The following LACTBL1 variants were observed in gnomAD, a reference collection of about 807,000 sequenced individuals.
The protein encoded by LACTBL1 is beta-lactamase-like protein 1.
A neutral mutation model predicts 39.6 loss-of-function variants in LACTBL1; 29 were observed. The ratio of observed to expected loss-of-function variants is 0.73; its 90% CI spans 0.55 to 1.00. The LOEUF is 1.00. LACTBL1 is among the 50% of genes least tolerant of loss of function. The pLI is 0.00. For synonymous variants in LACTBL1, 361 were observed against 360.7 expected (o/e 1.00, Z -0.01); for missense variants, 711 against 748.5 (o/e 0.95, Z 0.59).
chr1:22,967,864 AAAGCAGTTCCTGG>A (rs1640899008), upstream of LACTBL1, among the ~76,000 whole-genome samples: 1 of 152,184 alleles, frequency 6.6e-6, no homozygotes, highest in Admixed American at 6.5e-5. Context: ...CCCAGTACCC[AAAGCAGTTCCTGG>A]AACATAGCAG....
the LACTBL1 span, among the ~76,000 whole-genome samples, chr1:22,971,182 G>A: frequency 2.0e-5 from 3 of 152,150 alleles, no homozygotes; most frequent in Non-Finnish European, 4.4e-5. Flanking sequence ...GGCAGTGAAT[G>A]GCAGAGCTGA....
intron 4 of LACTBL1, 84 bp from the exon 7 acceptor site, chr1:22,955,510 C>CACAGCA: frequency 1.2e-6 from 1 of 825,078 alleles, no homozygotes; most frequent in Non-Finnish European, 1.9e-6. Context: ...CCCCACCTTC[C>CACAGCA]GTGAGTTGAG....
chr1:22,954,009 C>A, exon 6 of LACTBL1: 1 of 1,537,914 alleles, frequency 6.5e-7, no homozygotes, highest in Non-Finnish European at 8.8e-7. Flanking sequence ...AGAAGGCCAG[C>A]GTGCTGTAAT....
chr1:22,959,481 A>C (rs188765023), intron 3 of LACTBL1, among the ~76,000 whole-genome samples: 1 of 152,268 alleles, frequency 6.6e-6, no homozygotes, highest in South Asian at 2.1e-4. Context: ...TTCACTCTGC[A>C]TCATGAACTT....
chr1:22,960,197 C>T, intron 2 of LACTBL1, 98 bp from the exon 5 acceptor site: 1 of 1,400,622 alleles, frequency 7.1e-7, no homozygotes, highest in Admixed American at 2.0e-5. Context: ...ACCCTGCATG[C>T]AGCACCCCAG....
At chr1:22,958,997 A>C in intron 3 of LACTBL1, 77 bp from the exon 6 acceptor site, 1 of 906,296 alleles carries the variant, frequency 1.1e-6, no homozygotes. Flanking sequence ...CCCATCCTGC[A>C]ACTTTTTAGT....
intron 1 of LACTBL1, among the ~76,000 whole-genome samples, chr1:22,963,507 G>C (rs1032934580): frequency 1.3e-5 from 2 of 152,308 alleles, no homozygotes; most frequent in Admixed American, 1.3e-4. Flanking sequence ...AGTGGACTTA[G>C]ACCATTCTGG....
intron 2 of LACTBL1, among the ~76,000 whole-genome samples, chr1:22,962,423 G>T (rs309511): frequency 6.2e-4 from 94 of 152,230 alleles, no homozygotes; most frequent in African/African-American, 2.1e-3. Flanking sequence ...TGTCTCCCAT[G>T]GTGGGTGACC....
At chr1:22,958,248 G>A (rs1337936733) in intron 4 of LACTBL1, among the ~76,000 whole-genome samples, 1 of 151,944 alleles carries the variant, frequency 6.6e-6, no homozygotes, top group Non-Finnish European at 1.5e-5. Context: ...ACCATGCCTG[G>A]GCTATTTTTT....
At chr1:22,963,528 C>T (rs1217058864) in intron 1 of LACTBL1, among the ~76,000 whole-genome samples, 7 of 152,212 alleles carry the variant, frequency 4.6e-5, no homozygotes, top group Non-Finnish European at 1.5e-5. Flanking sequence ...CTGCGTGGGG[C>T]AGGCTCAGCC....
the LACTBL1 span, among the ~76,000 whole-genome samples, chr1:22,972,608 A>G: frequency 1.3e-5 from 2 of 152,116 alleles, no homozygotes; most frequent in African/African-American, 4.8e-5. Flanking sequence ...GACTGTCTTG[A>G]TTTTAGCACT....
exon 6 of LACTBL1, chr1:22,954,015 G>A (rs1384167984): frequency 5.2e-6 from 8 of 1,532,614 alleles, no homozygotes; most frequent in Non-Finnish European, 6.2e-6. Flanking sequence ...CCAGCGTGCT[G>A]TAATGGCATC....
intron 1 of LACTBL1, among the ~76,000 whole-genome samples, chr1:22,964,525 G>A (rs1381268420): frequency 6.6e-6 from 1 of 152,212 alleles, no homozygotes; most frequent in Admixed American, 6.5e-5. Context: ...CTGCCAGCCA[G>A]CCCACAGAAT....
upstream of LACTBL1, among the ~76,000 whole-genome samples, chr1:22,969,096 G>T (rs1206578987): frequency 1.3e-5 from 2 of 152,142 alleles, no homozygotes; most frequent in Non-Finnish European, 2.9e-5. Flanking sequence ...CAGTATTTTT[G>T]AATAGGAGGG....
At chr1:22,968,398 A>G (rs931930404), upstream of LACTBL1, among the ~76,000 whole-genome samples, 2 of 152,056 alleles carry the variant, frequency 1.3e-5, no homozygotes, top group African/African-American at 4.8e-5. Flanking sequence ...TGTCATTCCA[A>G]TTTATGCTCG....
At chr1:22,969,621 G>A (rs1186630102), upstream of LACTBL1, among the ~76,000 whole-genome samples, 1 of 147,118 alleles carries the variant, frequency 6.8e-6, no homozygotes, top group Non-Finnish European at 1.5e-5. Context: ...CCTGCCCCCT[G>A]TGTCTTTATG....
chr1:22,970,763 T>G, the LACTBL1 span, among the ~76,000 whole-genome samples: 163 of 143,180 alleles, frequency 1.1e-3, 1 homozygote, highest in South Asian at 0.016. Flanking sequence ...TGAGCTATGA[T>G]CATGCCACTG....
chr1:22,957,239 T>C (rs1640770759), intron 4 of LACTBL1, among the ~76,000 whole-genome samples: 1 of 152,204 alleles, frequency 6.6e-6, no homozygotes, highest in African/African-American at 2.4e-5. Context: ...AGCTGTGTCA[T>C]AGTTCATTTA....
exon 5 of LACTBL1, chr1:22,955,379 T>C: frequency 1.3e-6 from 2 of 1,550,508 alleles, no homozygotes; most frequent in South Asian, 2.4e-5. Flanking sequence ...GCCTCCTGGG[T>C]GCTGCCCTTC....
Sources: gnomAD v4.1 joint callset for allele counts (sites outside exome capture counted in the v4.1 genomes callset) on GRCh38, gnomAD v4.1.1 for gene constraint, MANE v1.5 for transcripts, NCBI Gene and HGNC (gene_info 2026-07-23, HGNC 2026-07-21) for gene names.